The following NBEA variants were observed in gnomAD, a reference collection of about 807,000 sequenced individuals.
NBEA encodes the protein neurobeachin, also known as lysosomal-trafficking regulator 2.
Under a neutral mutation model 343.4 loss-of-function variants are expected in NBEA, and 44 were observed. The observed-to-expected ratio is 0.13, with a 90% CI of 0.10 to 0.16. The LOEUF (loss-of-function observed/expected upper bound fraction) is 0.16. NBEA is among the 10% of genes least tolerant of loss of function. The pLI is 1.00. For synonymous variants in NBEA, 1,175 were observed against 1,238.7 expected (o/e 0.95, Z 1.08); for missense variants, 2,555 against 3,631.3 (o/e 0.70, Z 7.62).
chr13:35,578,930 C>CTT (rs34624362), intron 45 of NBEA, among the ~76,000 whole-genome samples: 16 of 145,844 alleles, frequency 1.1e-4, no homozygotes, highest in African/African-American at 3.3e-4. Context: ...TCATCTTAAA[C>CTT]TTTTTTTTTT....
chr13:35,587,582 T>C lies in NBEA; in HGVS notation c.7176+3544T>C, dbSNP rs142336049. 9.9e-4 allele frequency among the ~76,000 whole-genome samples: 151 copies of C among 152,128 alleles called. 2 individuals carry two copies. The highest frequency in any genetic ancestry group is 1.3e-3 in the Non-Finnish European group (90 of 67,994). ...GGTTGTTTGGAGAATTAAATGAGAG[T>C]ATATATATGATAGTATTTTGAAATA... On this transcript the variant is annotated intron_variant, in intron 46 of 58. Transcript: ENST00000379939.
At chr13:35,454,510 C>T (rs1053579970) in intron 40 of NBEA, among the ~76,000 whole-genome samples, 1 of 152,092 alleles carries the variant, frequency 6.6e-6, no homozygotes, top group Admixed American at 6.6e-5. Context: ...TTCTAAGTAG[C>T]CTGACAGAGC....
At chr13:35,347,089 A>C (rs2039921879) in intron 36 of NBEA, among the ~76,000 whole-genome samples, 1 of 152,126 alleles carries the variant, frequency 6.6e-6, no homozygotes, top group Non-Finnish European at 1.5e-5. Flanking sequence ...TAGGCTTTTA[A>C]AATTATATTT....
At chr13:35,464,281 T>G (rs1374390093) in intron 40 of NBEA, among the ~76,000 whole-genome samples, 1 of 152,226 alleles carries the variant, frequency 6.6e-6, no homozygotes, top group African/African-American at 2.4e-5. Flanking sequence ...TTCCGTTTCA[T>G]CTCACACTGC....
At chr13:35,633,493 C>G (rs1003928223) in intron 49 of NBEA, among the ~76,000 whole-genome samples, 6 of 151,380 alleles carry the variant, frequency 4.0e-5, no homozygotes, top group African/African-American at 1.5e-4. Flanking sequence ...GTCAGGAGTT[C>G]AAGACCTGTC....
In NBEA at chr13:35,667,395, C is replaced by G; in HGVS notation, c.8486C>G (p.Thr2829Ser). Residue 2829 changes from threonine (T) to serine (S), a missense_variant, in exon 57 of 59, where the codon ACC becomes AGC. Thr to Ser is a moderately conservative substitution (Grantham distance 58). Transcript: ENST00000379939. ...GCAGAGGGCCCTTGCCTTGTCCACA[C>G]CATCACTGGAGATTTGCTGAGAGCC... ...GAKEGPCLVH[T>S]ITGDLLRALE... is the part of the protein sequence containing the mutation. The G allele has an allele frequency of 6.2e-7, 1 of 1,613,924 alleles. No individual in the cohort carries two copies. Among genetic ancestry groups the G allele is most frequent in the Non-Finnish European group, 8.5e-7 (1 of 1,179,876 alleles).
intron 34 of NBEA, among the ~76,000 whole-genome samples, chr13:35,240,882 T>C (rs1180925926): frequency 6.6e-6 from 1 of 151,812 alleles, no homozygotes; most frequent in Non-Finnish European, 1.5e-5. Context: ...GTTCACTTCA[T>C]AATAGTTTAT....
intron 40 of NBEA, among the ~76,000 whole-genome samples, chr13:35,471,053 A>G (rs941677071): frequency 6.6e-6 from 1 of 152,086 alleles, no homozygotes; most frequent in South Asian, 2.1e-4. Flanking sequence ...GAAATGAAAG[A>G]CAGGGCTGTG....
intron 52 of NBEA, among the ~76,000 whole-genome samples, chr13:35,650,394 T>G (rs2084457478): frequency 6.6e-6 from 1 of 152,200 alleles, no homozygotes; most frequent in Non-Finnish European, 1.5e-5. Flanking sequence ...TCCAGTGATT[T>G]CACACTTCAC....
intron 39 of NBEA, among the ~76,000 whole-genome samples, chr13:35,436,077 G>T (rs1307908324): frequency 6.6e-6 from 1 of 151,154 alleles, no homozygotes; most frequent in Non-Finnish European, 1.5e-5. Context: ...AAAAAAGAAT[G>T]GACTCAAAAA....
chr13:35,622,340 G>A (rs2153061568), intron 48 of NBEA, among the ~76,000 whole-genome samples: 1 of 152,210 alleles, frequency 6.6e-6, no homozygotes, highest in Admixed American at 6.5e-5. Flanking sequence ...GAGGAGCAGT[G>A]GCAGCTTTGA....
At chr13:35,403,672 T>C (rs1254025491) in intron 38 of NBEA, among the ~76,000 whole-genome samples, 2 of 151,966 alleles carry the variant, frequency 1.3e-5, no homozygotes, top group African/African-American at 4.8e-5. Flanking sequence ...ACCTAGGCAT[T>C]ACCATTCAGG....
At chr13:35,094,714 TA>T (rs1366391714) in intron 10 of NBEA, among the ~76,000 whole-genome samples, 1 of 152,056 alleles carries the variant, frequency 6.6e-6, no homozygotes, top group Non-Finnish European at 1.5e-5. Context: ...AGAGAAATAC[TA>T]TAGAAATATG....
At chr13:35,250,465 A>C (rs1382232045) in intron 34 of NBEA, among the ~76,000 whole-genome samples, 1 of 152,228 alleles carries the variant, frequency 6.6e-6, no homozygotes, top group Non-Finnish European at 1.5e-5. Flanking sequence ...ATAAATGGTT[A>C]ATAAAGCCAA....
intron 30 of NBEA, among the ~76,000 whole-genome samples, 180 bp downstream of exon 30, chr13:35,184,251 T>C (rs2071528024): frequency 6.6e-6 from 1 of 152,120 alleles, no homozygotes; most frequent in Admixed American, 6.6e-5. Context: ...TATTTGTATT[T>C]TATTACATTT....
At chr13:35,095,230 T>TA (rs1048455850) in intron 10 of NBEA, among the ~76,000 whole-genome samples, 1 of 151,366 alleles carries the variant, frequency 6.6e-6, no homozygotes, top group Non-Finnish European at 1.5e-5. Context: ...CATTAGTTAT[T>TA]AAAAAAATTA....
intron 8 of NBEA, among the ~76,000 whole-genome samples, chr13:35,063,902 A>G (rs1443122732): frequency 6.6e-6 from 1 of 151,994 alleles, no homozygotes; most frequent in Admixed American, 6.6e-5. Flanking sequence ...AGGGAGCAAG[A>G]GAGGATTGAG....
At position 35,157,177 on chromosome 13, in the gene NBEA, C is replaced by T. The variant is rs759359553; in HGVS notation, c.2751C>T (p.Tyr917=). The T allele has an allele frequency of 1.2e-6, 2 of 1,610,460 alleles. No homozygotes were observed. The highest frequency in any genetic ancestry group is 1.7e-6 in the Non-Finnish European group (2 of 1,177,962). Residue 917 remains tyrosine, a synonymous_variant, in exon 21 of 59, where the codon TAC becomes TAT. Coordinates refer to ENST00000379939, the MANE Select transcript of NBEA (RefSeq NM_001385012.1). ...AACAGAAGATTACCGAAATGGTCTA[C>T]AATATCTTCCGGATTCTTTTGTATC... is the stretch of plus-strand genomic sequence containing the variant. ...SEEQKITEMV[Y]NIFRILLYHA...
intron 18 of NBEA, among the ~76,000 whole-genome samples, chr13:35,151,085 A>G (rs1272616927): frequency 6.7e-5 from 10 of 149,794 alleles, no homozygotes; most frequent in Non-Finnish European, 1.5e-4. Flanking sequence ...ACTGCACTCC[A>G]GCCTGGTCGA....
Sources: gnomAD v4.1 joint callset for allele counts (sites outside exome capture counted in the v4.1 genomes callset) on GRCh38, gnomAD v4.1.1 for gene constraint, MANE v1.5 for transcripts, NCBI Gene and HGNC (gene_info 2026-07-23, HGNC 2026-07-21) for gene names.